Variants in KIAA1217 observed in about 807,000 individuals in gnomAD.
KIAA1217 encodes sickle tail protein homolog.
A neutral mutation model predicts 163.9 loss-of-function variants in KIAA1217; 88 were observed. The ratio of observed to expected loss-of-function variants is 0.54; its 90% CI spans 0.45 to 0.64. The LOEUF (loss-of-function observed/expected upper bound fraction) is 0.64. KIAA1217 is among the 30% of genes least tolerant of loss of function. The probability of loss-of-function intolerance (pLI) is 0.00; values close to 1 mark genes in which losing one functional copy is unlikely to be tolerated. For synonymous variants in KIAA1217, 903 were observed against 923.1 expected (o/e 0.98, Z 0.39); for missense variants, 2,372 against 2,475.0 (o/e 0.96, Z 0.88).
chr10:23,898,330 T>C, intron 1 of KIAA1217, among the ~76,000 whole-genome samples: 1 of 151,340 alleles, frequency 6.6e-6, no homozygotes, highest in Non-Finnish European at 1.5e-5. Context: ...CACACACATA[T>C]ATATAATATA....
chr10:24,131,186 C>T (rs971977247), intron 2 of KIAA1217, among the ~76,000 whole-genome samples: 3 of 152,134 alleles, frequency 2.0e-5, no homozygotes, highest in African/African-American at 7.2e-5. Context: ...CTATTTTAAA[C>T]TCTTCAGACC....
chr10:24,323,850 GT>G (rs1195841774), intron 2 of KIAA1217, among the ~76,000 whole-genome samples: 1 of 145,360 alleles, frequency 6.9e-6, no homozygotes, highest in African/African-American at 2.6e-5. Context: ...ACTTAGGGTG[GT>G]TTTTTTTCGT....
chr10:24,318,216 GGATAGATA>G (rs1332392222), intron 2 of KIAA1217, among the ~76,000 whole-genome samples: 1 of 143,474 alleles, frequency 7.0e-6, no homozygotes, highest in African/African-American at 3.0e-5. Context: ...ATAGATAGAT[GGATAGATA>G]GATAGATGGA....
chr10:23,850,161 T>A (rs1406265641), intron 1 of KIAA1217, among the ~76,000 whole-genome samples: 2 of 152,106 alleles, frequency 1.3e-5, no homozygotes, highest in African/African-American at 4.8e-5. Flanking sequence ...GGTGCCTTAT[T>A]GTTCTAACAT....
intron 2 of KIAA1217, among the ~76,000 whole-genome samples, chr10:24,029,746 T>A (rs1423299915): frequency 6.6e-6 from 1 of 152,194 alleles, no homozygotes; most frequent in African/African-American, 2.4e-5. Context: ...TATGAGACCA[T>A]TTGATCTCTA....
rs78038586 is a variant in KIAA1217, at chr10:23,700,066, A to C, written c.-321+4832A>C. 1.1e-3 allele frequency among the ~76,000 whole-genome samples: 174 copies of C among 152,328 alleles called. 11 individuals carry two copies. In the East Asian group the frequency reaches 0.027, roughly 23 times the overall value. On this transcript the variant is annotated intron_variant, in intron 1 of 18. Coordinates refer to the KIAA1217 transcript ENST00000376462. ...AGAGCCACAGCCTTCTAAAGATTCT[A>C]ACTGTGAAGTACTGTTTCCTTTGCT...
intron 2 of KIAA1217, among the ~76,000 whole-genome samples, chr10:24,349,708 G>C (rs2133987518): frequency 6.6e-6 from 1 of 152,334 alleles, no homozygotes; most frequent in South Asian, 2.1e-4. Flanking sequence ...TAAGGAAAAT[G>C]AGTCACTTTC....
At chr10:23,812,913 G>A (rs1355343746) in intron 1 of KIAA1217, among the ~76,000 whole-genome samples, 3 of 152,068 alleles carry the variant, frequency 2.0e-5, no homozygotes, top group Non-Finnish European at 2.9e-5. Context: ...ACATTCATGT[G>A]CAACTTTTTG....
intron 1 of KIAA1217, among the ~76,000 whole-genome samples, chr10:23,803,288 T>A (rs1188084637): frequency 2.0e-5 from 3 of 152,214 alleles, no homozygotes; most frequent in African/African-American, 7.2e-5. Flanking sequence ...GAGGAACATA[T>A]TTCCCCAGCT....
chr10:24,162,029 G>A (rs910017970), intron 2 of KIAA1217, among the ~76,000 whole-genome samples: 1 of 152,212 alleles, frequency 6.6e-6, no homozygotes, highest in Non-Finnish European at 1.5e-5. Flanking sequence ...GAGGTGCTCA[G>A]TGATGCTTTC....
At chr10:23,896,338 C>T (rs1454490380) in intron 1 of KIAA1217, among the ~76,000 whole-genome samples, 1 of 151,982 alleles carries the variant, frequency 6.6e-6, no homozygotes, top group Non-Finnish European at 1.5e-5. Flanking sequence ...GAATTTGTCA[C>T]ACTTCTATTG....
chr10:24,048,798 C>T (rs1258050476), intron 2 of KIAA1217, among the ~76,000 whole-genome samples: 3 of 151,394 alleles, frequency 2.0e-5, no homozygotes, highest in Admixed American at 6.6e-5. Context: ...TTTGGGCGGC[C>T]GAGGCGGGTG....
At chr10:23,938,042 C>T (rs892991180) in intron 1 of KIAA1217, among the ~76,000 whole-genome samples, 6 of 152,100 alleles carry the variant, frequency 3.9e-5, no homozygotes, top group African/African-American at 1.2e-4. Context: ...GAAGTGAATA[C>T]AAAGAGAGCA....
At chr10:23,792,559 C>A (rs958640960) in intron 1 of KIAA1217, among the ~76,000 whole-genome samples, 9 of 151,852 alleles carry the variant, frequency 5.9e-5, no homozygotes, top group African/African-American at 2.2e-4. Context: ...GTGATGCGAT[C>A]TTGGCTCACT....
intron 1 of KIAA1217, among the ~76,000 whole-genome samples, chr10:23,918,168 TTTTA>T (rs200960014): frequency 8.6e-5 from 13 of 150,530 alleles, no homozygotes; most frequent in Admixed American, 4.0e-4. Context: ...TTTTTTTTTT[TTTTA>T]AAGAGATAGG....
At chr10:23,817,269 G>A (rs1837350324) in intron 1 of KIAA1217, among the ~76,000 whole-genome samples, 1 of 152,170 alleles carries the variant, frequency 6.6e-6, no homozygotes, top group Non-Finnish European at 1.5e-5. Flanking sequence ...GATAAGACAG[G>A]ATGATATATA....
chr10:24,034,518 A>G (rs528688476), intron 2 of KIAA1217, among the ~76,000 whole-genome samples: 21 of 150,998 alleles, frequency 1.4e-4, no homozygotes, highest in Middle Eastern at 3.4e-3. Flanking sequence ...AGCCATGAGC[A>G]CACCACTGCA....
At chr10:24,238,181 C>A (rs896212606) in intron 2 of KIAA1217, among the ~76,000 whole-genome samples, 2 of 152,236 alleles carry the variant, frequency 1.3e-5, no homozygotes, top group African/African-American at 4.8e-5. Flanking sequence ...AGTGTCACAT[C>A]TTGCTCGCGG....
At chr10:24,434,769 C>T (rs141131436) in intron 4 of KIAA1217, among the ~76,000 whole-genome samples, 11 of 152,336 alleles carry the variant, frequency 7.2e-5, no homozygotes, top group African/African-American at 2.6e-4. Flanking sequence ...GGTCTCTAAA[C>T]ATTTTAGAAC....
Sources: allele counts gnomAD v4.1 joint callset (sites outside exome capture counted in the v4.1 genomes callset), GRCh38; gene constraint gnomAD v4.1.1; transcripts MANE v1.5; gene names NCBI Gene and HGNC (gene_info 2026-07-23, HGNC 2026-07-21).